PRKN: variants seen among roughly 807,000 people sequenced by gnomAD.
PRKN encodes the protein E3 ubiquitin-protein ligase parkin.
Under a neutral mutation model 59.5 loss-of-function variants are expected in PRKN, and 56 were observed. The ratio of observed to expected loss-of-function variants is 0.94; its 90% CI spans 0.76 to 1.18. The LOEUF is 1.18. PRKN is among the 50% of genes most tolerant of loss of function. The probability of loss-of-function intolerance (pLI) is 0.00; values close to 1 mark genes in which losing one functional copy is unlikely to be tolerated. For missense variants in PRKN, 657 were observed against 596.4 expected, an observed-to-expected ratio of 1.10 and a Z score of -1.06; for synonymous variants, 250 against 222.1, an observed-to-expected ratio of 1.13 and a Z score of -1.12.
At chr6:161,539,802 T>C (rs17651062) in intron 9 of PRKN, among the ~76,000 whole-genome samples, 193 of 152,180 alleles carry the variant, frequency 1.3e-3, no homozygotes, top group Non-Finnish European at 2.2e-3. Flanking sequence ...AAATATCTTA[T>C]ATGCTCATGT....
chr6:162,206,042 G>A (rs528147919), intron 3 of PRKN, among the ~76,000 whole-genome samples: 16 of 152,216 alleles, frequency 1.1e-4, no homozygotes, highest in African/African-American at 3.6e-4. Flanking sequence ...GAAGGAGAAG[G>A]AAGAAGGTTT....
At position 161,419,658 on chromosome 6, in the gene PRKN, G is replaced by A. The variant is rs1394213547; in HGVS notation, c.1084-32781C>T. Among the ~76,000 whole-genome samples the A allele has an allele frequency of 6.6e-6, 1 of 151,876 alleles. No individual in the cohort carries two copies. The highest frequency in any genetic ancestry group is 1.5e-5 in the Non-Finnish European group (1 of 67,998). On this transcript the variant is annotated intron_variant, in intron 9 of 11. Coordinates refer to ENST00000366898, the MANE Select transcript of PRKN (RefSeq NM_004562.3). This position sits in a 1 kb window ranked among gnomAD's most constrained non-coding sequence, Gnocchi z 4.1. ...CCACCTCTGCCTCCCAAAGTGCTGG[G>A]ATTACAGGCATGAACCACCACGCCC...
At chr6:161,366,957 A>T in intron 10 of PRKN, among the ~76,000 whole-genome samples, 1 of 143,256 alleles carries the variant, frequency 7.0e-6, no homozygotes, top group Non-Finnish European at 1.5e-5. Context: ...AATGTGTCTG[A>T]AGTTTTTTGG....
In PRKN at chr6:161,404,928, C is replaced by T. The variant is rs566286325; in HGVS notation, c.1084-18051G>A. ...TAAATACTGCAATGGAATGGAGTTC[C>T]AGCAGAAAAGTATATGTTTCTGTAA... On this transcript the variant is annotated intron_variant, in intron 9 of 11. Transcript: ENST00000366898. Among the ~76,000 whole-genome samples, 13 of 152,258 alleles carry T rather than the reference C, an allele frequency of 8.5e-5. No individual in the cohort carries two copies. The East Asian group carries it at 2.5e-3, about 29-fold the overall frequency.
intron 1 of PRKN, among the ~76,000 whole-genome samples, chr6:162,603,524 C>T (rs1252907888): frequency 2.6e-5 from 4 of 152,096 alleles, no homozygotes; most frequent in African/African-American, 9.7e-5. Flanking sequence ...AAGAACCTTA[C>T]GGCCCCCAAA....
At chr6:162,537,196 A>T (rs193266909) in intron 1 of PRKN, among the ~76,000 whole-genome samples, 199 of 152,236 alleles carry the variant, frequency 1.3e-3, no homozygotes, top group African/African-American at 4.4e-3. Flanking sequence ...ATTAAACAGC[A>T]AAATATCTGA....
At chr6:161,633,116 G>A (rs755867880) in intron 7 of PRKN, among the ~76,000 whole-genome samples, 39 of 152,074 alleles carry the variant, frequency 2.6e-4, no homozygotes, top group African/African-American at 8.7e-4. Flanking sequence ...TATTTGTCCC[G>A]GAAAATGTAA....
At chr6:162,629,277 C>A (rs1331950877) in intron 1 of PRKN, among the ~76,000 whole-genome samples, 9 of 152,192 alleles carry the variant, frequency 5.9e-5, no homozygotes, top group Non-Finnish European at 1.2e-4. Flanking sequence ...AATTTTATAA[C>A]ATTATTTTTG....
chr6:162,067,628 C>CTAAT (rs1778393395), intron 4 of PRKN, among the ~76,000 whole-genome samples: 1 of 152,192 alleles, frequency 6.6e-6, no homozygotes, highest in African/African-American at 2.4e-5. Flanking sequence ...CAGCAGATTA[C>CTAAT]ACGCGACATG....
At chr6:162,591,059 C>G (rs796489323) in intron 1 of PRKN, among the ~76,000 whole-genome samples, 2 of 152,116 alleles carry the variant, frequency 1.3e-5, no homozygotes, top group African/African-American at 4.8e-5. Context: ...GAATGGCGCA[C>G]TCCTTCCCAT....
intron 6 of PRKN, among the ~76,000 whole-genome samples, chr6:161,807,373 G>A (rs561956999): frequency 6.6e-6 from 1 of 151,846 alleles, no homozygotes; most frequent in South Asian, 2.1e-4. Flanking sequence ...ATGCATACAC[G>A]CACAGAGCTA....
chr6:162,525,597 T>C (rs1778247414), intron 1 of PRKN, among the ~76,000 whole-genome samples: 1 of 152,208 alleles, frequency 6.6e-6, no homozygotes, highest in Admixed American at 6.5e-5. Flanking sequence ...TTATGGCCAA[T>C]ACACTATTTA....
intron 5 of PRKN, among the ~76,000 whole-genome samples, chr6:162,004,622 C>A (rs150717104): frequency 1.3e-5 from 2 of 152,240 alleles, no homozygotes; most frequent in East Asian, 3.9e-4. Flanking sequence ...AATGATAGCA[C>A]TGAAAGTTTT....
At position 162,127,472 on chromosome 6, in the gene PRKN, C is replaced by A. The variant is rs1009017897; in HGVS notation, c.535-73298G>T. 2.6e-5 allele frequency among the ~76,000 whole-genome samples: 4 copies of A among 152,166 alleles called. 1 individual carries two copies. The highest frequency in any genetic ancestry group is 2.6e-4 in the Admixed American group (4 of 15,274). ...GGCATACTAAAATAACATTATTTCTCTTCTTTGCTATGTTTCTCTAGAAGT... is the reference window on the plus strand; with the variant it reads ...GGCATACTAAAATAACATTATTTCTATTCTTTGCTATGTTTCTCTAGAAGT... On this transcript the variant is annotated intron_variant, in intron 4 of 11. Coordinates refer to ENST00000366898, the MANE Select transcript of PRKN (RefSeq NM_004562.3).
intron 3 of PRKN, among the ~76,000 whole-genome samples, chr6:162,249,373 G>T (rs1453625490): frequency 1.3e-5 from 2 of 152,180 alleles, no homozygotes; most frequent in Non-Finnish European, 2.9e-5. Flanking sequence ...TACACATGGA[G>T]AATTATATAT....
chr6:161,449,969 T>C (rs747666488), intron 9 of PRKN, among the ~76,000 whole-genome samples: 1 of 152,182 alleles, frequency 6.6e-6, no homozygotes, highest in Non-Finnish European at 1.5e-5. Context: ...TCTTTGCTGA[T>C]CCATTACTCA....
At position 161,397,241 on chromosome 6, in the gene PRKN, C is replaced by T. The variant is rs1250848081; in HGVS notation, c.1084-10364G>A. Among the ~76,000 whole-genome samples, 4 of 152,150 alleles carry T rather than the reference C, an allele frequency of 2.6e-5. No individual in the cohort carries two copies. The highest frequency in any genetic ancestry group is 5.9e-5 in the Non-Finnish European group (4 of 68,028). On this transcript the variant is annotated intron_variant, in intron 9 of 11. Coordinates refer to ENST00000366898, the MANE Select transcript of PRKN (RefSeq NM_004562.3). The surrounding 1 kb of genome is among the most constrained non-coding windows in gnomAD (Gnocchi z 4.2). ...GTGATCAGTGTCTCTTTGTGGCAAT[C>T]CAGGTGCTGGAGTCAAGTAGCTTAC...
At chr6:162,258,895 T>C (rs954018521) in intron 3 of PRKN, among the ~76,000 whole-genome samples, 1 of 152,216 alleles carries the variant, frequency 6.6e-6, no homozygotes, top group African/African-American at 2.4e-5. Flanking sequence ...TCACCTCTCA[T>C]GTTGACCACT....
Position 161,621,621 on chromosome 6 carries a change from C to T in PRKN, c.872-52205G>A, listed in dbSNP as rs181310744. ...AATCCACTTGGACTCACATCCCAAC[C>T]TCCTCTGGAAACACCCTCACAAACA... is the stretch of plus-strand genomic sequence containing the variant. On this transcript the variant is annotated intron_variant, in intron 7 of 11. Coordinates refer to ENST00000366898, the MANE Select transcript of PRKN (RefSeq NM_004562.3). 4.5e-3 allele frequency among the ~76,000 whole-genome samples: 683 copies of T among 152,326 alleles called. 1 individual carries two copies. The highest frequency in any genetic ancestry group is 4.0e-3 in the Non-Finnish European group (271 of 68,030).
Sources: gnomAD v4.1 joint callset for allele counts (sites outside exome capture counted in the v4.1 genomes callset) on GRCh38, gnomAD v4.1.1 for gene constraint, Gnocchi (gnomAD v3.1) non-coding constraint, MANE v1.5 for transcripts, NCBI Gene and HGNC (gene_info 2026-07-23, HGNC 2026-07-21) for gene names.